Variants in IDH3A observed in about 807,000 individuals in gnomAD.
The protein encoded by IDH3A is isocitrate dehydrogenase (NAD(+)) 3 catalytic subunit alpha, also known as isocitrate dehydrogenase [NAD] subunit alpha, mitochondrial.
IDH3A carries 23 observed loss-of-function variants against 43.3 expected under a neutral mutation model. The observed-to-expected ratio is 0.53, with a 90% confidence interval of 0.38 to 0.75. The LOEUF (loss-of-function observed/expected upper bound fraction) is 0.75, where lower values mean the gene tolerates loss of function less well. Ranked by LOEUF, IDH3A falls within the 30% of genes least tolerant of loss-of-function variation. IDH3A has a pLI of 0.00. For missense variants in IDH3A, 329 were observed against 474.4 expected, an observed-to-expected ratio of 0.69 and a Z score of 2.85; for synonymous variants, 154 against 163.5, an observed-to-expected ratio of 0.94 and a Z score of 0.44.
Position 78,149,365 on chromosome 15 carries a change from G to A in IDH3A, c.-39G>A, listed in dbSNP as rs1371966314. On this transcript the variant is annotated 5_prime_UTR_variant, in exon 1 of 11. Coordinates refer to ENST00000299518, the MANE Select transcript of IDH3A (RefSeq NM_005530.3). Reference sequence around the variant, plus strand: ...AGCGTGGGGTGGGCGCTTGCGCACTGCCGCTGCGGCTGTTGCTGCGGAGCC... The same window carrying A: ...AGCGTGGGGTGGGCGCTTGCGCACTACCGCTGCGGCTGTTGCTGCGGAGCC... 6.6e-7 allele frequency: 1 copy of A among 1,519,274 alleles called. No homozygotes were observed. Among genetic ancestry groups the A allele is most frequent in the Non-Finnish European group, 8.8e-7 (1 of 1,140,292 alleles). The allele number at this position is 1,519,274 out of a possible 1,614,324, so 94.1% of individuals were successfully genotyped here.
At chr15:78,166,386 T>C in intron 10 of IDH3A, 84 bp downstream of exon 10, 1 of 1,404,984 alleles carries the variant, frequency 7.1e-7, no homozygotes, top group Non-Finnish European at 1.0e-6. Flanking sequence ...CAGTGACAGA[T>C]AATAGTTCTC....
intron 8 of IDH3A, 47 bp from the exon 9 acceptor site, chr15:78,164,945 A>T (rs1375996461): frequency 3.5e-6 from 5 of 1,418,772 alleles, no homozygotes; most frequent in Non-Finnish European, 5.0e-6. Context: ...GCTAGGTGAG[A>T]TGTTTTATTT....
chr15:78,165,681 C>CTTTATTTA (rs3972619), intron 9 of IDH3A, among the ~76,000 whole-genome samples: 77,579 of 149,890 alleles, frequency 0.52, 20,885 homozygotes, highest in African/African-American at 0.65. Context: ...TTCTCCAAGT[C>CTTTATTTA]TTTATTTATT....
chr15:78,158,312 C>T (rs1200011911), intron 3 of IDH3A, among the ~76,000 whole-genome samples: 1 of 151,422 alleles, frequency 6.6e-6, no homozygotes, highest in African/African-American at 2.4e-5. Context: ...TGAACAGCAC[C>T]GTGTCTGTCT....
chr15:78,169,676 G>T lies in IDH3A; in HGVS notation c.*671G>T, dbSNP rs910571225. On this transcript the variant is annotated 3_prime_UTR_variant, in exon 11 of 11. Coordinates refer to ENST00000299518, the MANE Select transcript of IDH3A (RefSeq NM_005530.3). ...ATATATTGGATACAAAGACACAAATGTATTGTGTGTTCAATTATTTTGTTG... is the reference window on the plus strand; with the variant it reads ...ATATATTGGATACAAAGACACAAATTTATTGTGTGTTCAATTATTTTGTTG... The T allele has an allele frequency of 3.3e-5, 5 of 152,186 alleles. No homozygotes were observed. The highest frequency in any genetic ancestry group is 2.1e-4 in the South Asian group (1 of 4,834). The allele number at this position is 152,186 out of a possible 1,614,324, so 9.4% of individuals were successfully genotyped here. A position where few individuals can be genotyped will look rare whatever the true frequency, so the allele number is the denominator to read the frequency against.
rs2074632880 is a variant in IDH3A at position 78,157,420 on chromosome 15, GT to G, written c.91-124del. 6 of 701,792 alleles carry G rather than the reference GT, an allele frequency of 8.5e-6. No homozygotes were observed. The East Asian group carries it at 1.7e-4, about 19-fold the overall frequency. The allele number at this position is 701,792 out of a possible 1,614,324, so 43.5% of individuals were successfully genotyped here. ...TGATGACCCCCGGGGAGGTATGTTT[GT>G]TTTCTTAACAGCATTTGAATCTTCC... is the stretch of plus-strand genomic sequence containing the variant. On this transcript the variant is annotated intron_variant, in intron 2 of 10. Coordinates refer to ENST00000299518, the MANE Select transcript of IDH3A (RefSeq NM_005530.3).
intron 1 of IDH3A, among the ~76,000 whole-genome samples, chr15:78,151,839 G>A (rs955273609): frequency 6.6e-6 from 1 of 151,788 alleles, no homozygotes; most frequent in African/African-American, 2.4e-5. Flanking sequence ...TAAAGTAGAA[G>A]TCCTGCCATC....
chr15:78,163,592 G>C lies in IDH3A; in HGVS notation c.697G>C (p.Asp233His), dbSNP rs2074706062. ...TATTAAATTTAATGAGATGTACCTT[G>C]ATACAGTATGTTTGAATGTAAGTAT... is the stretch of plus-strand genomic sequence containing the variant. ...KDIKFNEMYL[D>H]TVCLNMVQDP... is the part of the protein sequence containing the mutation. The change falls in exon 7 of 11, where the codon GAT becomes CAT. Residue 233 changes from aspartate to histidine, a missense_variant. Transcript: ENST00000299518. 3.7e-6 allele frequency: 6 copies of C among 1,603,698 alleles called. No individual in the cohort carries two copies. Among genetic ancestry groups the C allele is most frequent in the Non-Finnish European group, 5.1e-6 (6 of 1,170,798 alleles).
chr15:78,157,406 G>T (rs12904688), intron 2 of IDH3A, 142 bp from the exon 3 acceptor site: 10 of 652,318 alleles, frequency 1.5e-5, no homozygotes, highest in South Asian at 1.3e-4. Flanking sequence ...GATGACCCCC[G>T]GGGAGGTATG....
At chr15:78,165,218 G>C in intron 9 of IDH3A, 142 bp downstream of exon 9, 1 of 615,342 alleles carries the variant, frequency 1.6e-6, no homozygotes, top group Non-Finnish European at 2.9e-6. Context: ...TCGAGACGGA[G>C]TCTCGCTCTG....
At chr15:78,163,451 A>G in intron 6 of IDH3A, 56 bp from the exon 7 acceptor site, 3 of 1,253,478 alleles carry the variant, frequency 2.4e-6, no homozygotes, top group Non-Finnish European at 3.5e-6. Flanking sequence ...CTTTGATTTG[A>G]TTCTTTTCTT....
In IDH3A at chr15:78,161,478, T is replaced by C; in HGVS notation, c.290-103T>C. The C allele has an allele frequency of 8.4e-6, 7 of 834,582 alleles. No individual in the cohort carries two copies. Among genetic ancestry groups the C allele is most frequent in the Non-Finnish European group, 1.9e-6 (1 of 518,670 alleles). 51.7% of individuals were successfully genotyped at this position (834,582 alleles called of 1,614,324 possible). ...TTTGAATCTCAGGTAGAGAGTGAAC[T>C]AGAGGCAGAACACATTTCACAAGGT... On this transcript the variant is annotated intron_variant, in intron 4 of 10. Transcript: ENST00000299518. The surrounding 1 kb of genome is among the most constrained non-coding windows in gnomAD (Gnocchi z 4.8).
intron 1 of IDH3A, chr15:78,151,396 C>G (rs1481878553): frequency 6.6e-6 from 1 of 151,948 alleles, no homozygotes; most frequent in South Asian, 2.1e-4. Flanking sequence ...GCCAACATGG[C>G]GAAACCCCAT....
chr15:78,155,300 T>G, intron 2 of IDH3A, 25 bp downstream of exon 2: 1 of 1,543,526 alleles, frequency 6.5e-7, no homozygotes, highest in Non-Finnish European at 8.9e-7. Flanking sequence ...GTCTTTTATT[T>G]TTTCCTTTTA....
Position 78,171,737 on chromosome 15 carries a change from G to GTATAA in IDH3A, c.*2732_*2733insTATAA. ...CTCCTGTGTTATACCACTGGTTGTG[G>GTATAA]CCAGTGGAGTATAGATGAAGGGTTG... On this transcript the variant is annotated 3_prime_UTR_variant, in exon 11 of 11. Coordinates refer to ENST00000299518, the MANE Select transcript of IDH3A (RefSeq NM_005530.3). 1 of 496,300 alleles carries GTATAA rather than the reference G, an allele frequency of 2.0e-6. No homozygotes were observed. The highest frequency in any genetic ancestry group is 3.6e-6 in the Non-Finnish European group (1 of 274,246). The allele number at this position is 496,300 out of a possible 1,614,324, so 30.7% of individuals were successfully genotyped here.
At chr15:78,165,988 C>G in intron 9 of IDH3A, 162 bp from the exon 10 acceptor site, 1 of 661,660 alleles carries the variant, frequency 1.5e-6, no homozygotes, top group South Asian at 2.0e-5. Flanking sequence ...CACGCCCAAC[C>G]CAGACTTTAT....
Position 78,161,718 on chromosome 15 carries a change from G to A in IDH3A, c.427G>A (p.Val143Met), listed in dbSNP as rs371604164. ...YKTPYTDVNI[V>M]TIRENTEGEY... The stretch of plus-strand genomic sequence containing the variant: ...AACCCCTTACACCGATGTAAATATT[G>A]TGACCATTCGAGAGAACACAGAAGG... Residue 143 changes from valine (V) to methionine (M), a missense_variant, in exon 5 of 11, where the codon GTG becomes ATG. Val to Met is a conservative substitution (Grantham distance 21). Around this residue, in one of 3 missense-constraint regions of IDH3A, gnomAD observed 212 missense variants for 345.5 expected, o/e 0.61. Coordinates refer to ENST00000299518, the MANE Select transcript of IDH3A (RefSeq NM_005530.3). This position sits in a 1 kb window ranked among gnomAD's most constrained non-coding sequence, Gnocchi z 4.8. The A allele has an allele frequency of 1.9e-6, 3 of 1,613,994 alleles. No individual in the cohort carries two copies. The highest frequency in any genetic ancestry group is 2.5e-6 in the Non-Finnish European group (3 of 1,180,000).
Position 78,152,025 on chromosome 15 carries a change from G to A in IDH3A, c.27+2595G>A, listed in dbSNP as rs149720527. The stretch of plus-strand genomic sequence containing the variant: ...TGTCTTTTCCCTCTTTTTTGGGCTG[G>A]GAGAGGAGAAAGGACTCATGTCAAT... On this transcript the variant is annotated intron_variant, in intron 1 of 10. Coordinates refer to ENST00000299518, the MANE Select transcript of IDH3A (RefSeq NM_005530.3). 8.6e-5 allele frequency among the ~76,000 whole-genome samples: 13 copies of A among 150,524 alleles called. No individual in the cohort carries two copies. The East Asian group carries it at 2.3e-3, about 27-fold the overall frequency.
At chr15:78,152,515 C>A (rs549460737) in intron 1 of IDH3A, among the ~76,000 whole-genome samples, 1 of 151,766 alleles carries the variant, frequency 6.6e-6, no homozygotes, top group Non-Finnish European at 1.5e-5. Context: ...CATGTGCCAC[C>A]ACGCCTGGCT....
Sources: gnomAD v4.1 joint callset for allele counts (sites outside exome capture counted in the v4.1 genomes callset) on GRCh38, gnomAD v4.1.1 for gene constraint, gnomAD v4.1.1 regional missense constraint, Gnocchi (gnomAD v3.1) non-coding constraint, MANE v1.5 for transcripts, NCBI Gene and HGNC (gene_info 2026-07-23, HGNC 2026-07-21) for gene names.